The following TLE1 variants were observed in gnomAD, a reference collection of about 807,000 sequenced individuals.
TLE1 encodes TLE family member 1, transcriptional corepressor.
Under a neutral mutation model 89.8 loss-of-function variants are expected in TLE1, and 21 were observed. The observed-to-expected ratio is 0.23, with a 90% CI of 0.17 to 0.34. TLE1 has a LOEUF of 0.34. Ranked by LOEUF, TLE1 falls within the 10% of genes least tolerant of loss-of-function variation. The pLI, the probability that TLE1 is intolerant of heterozygous loss-of-function variation, is 1.00. For synonymous variants in TLE1, 447 were observed against 407.6 expected, an observed-to-expected ratio of 1.10 and a Z score of -1.16; for missense variants, 795 against 1,031.2, an observed-to-expected ratio of 0.77 and a Z score of 3.14.
At chr9:81,640,736 C>T (rs1828002393) in intron 6 of TLE1, among the ~76,000 whole-genome samples, 1 of 152,170 alleles carries the variant, frequency 6.6e-6, no homozygotes, top group Non-Finnish European at 1.5e-5. Flanking sequence ...ACTGACTTTG[C>T]TGTTTACATT....
intron 6 of TLE1, among the ~76,000 whole-genome samples, chr9:81,643,045 G>A (rs868578531): frequency 5.9e-5 from 9 of 152,308 alleles, no homozygotes; most frequent in Middle Eastern, 3.4e-3. Flanking sequence ...CAGAAGCAGA[G>A]AGTAGAATGG....
chr9:81,639,588 G>GTTTTTTTTTTTT (rs374444332), intron 6 of TLE1, among the ~76,000 whole-genome samples: 1 of 123,458 alleles, frequency 8.1e-6, no homozygotes, highest in Non-Finnish European at 1.7e-5. Flanking sequence ...TTTTTTTTTT[G>GTTTTTTTTTTTT]TTTTTTTTTT....
At chr9:81,607,935 T>C (rs1831904975) in intron 14 of TLE1, among the ~76,000 whole-genome samples, 1 of 152,198 alleles carries the variant, frequency 6.6e-6, no homozygotes, top group South Asian at 2.1e-4. Flanking sequence ...TCATAATGAA[T>C]CAAATTATTG....
In TLE1 at chr9:81,611,781, C is replaced by T; in HGVS notation, c.1242G>A (p.Gly414=). Residue 414 remains glycine (G), a synonymous_variant, in exon 13 of 20, where the codon GGG becomes GGA. Transcript: ENST00000376499. ...GACAGCGGCCTACCATGGGGGAGCG[C>T]CCGTAGGCCACCACGGCGGCCGCGG... is the stretch of plus-strand genomic sequence containing the variant. The part of the protein sequence containing the change: ...AAAAAAVVAY[G]RSPMVGFDPP... 2 of 1,541,360 alleles carry T rather than the reference C, an allele frequency of 1.3e-6. No individual in the cohort carries two copies. Among genetic ancestry groups the T allele is most frequent in the Non-Finnish European group, 1.7e-6 (2 of 1,151,804 alleles).
chr9:81,594,152 C>T (rs1587881202), intron 14 of TLE1, among the ~76,000 whole-genome samples: 1 of 152,298 alleles, frequency 6.6e-6, no homozygotes, highest in Middle Eastern at 3.4e-3. Context: ...TACTTGCCCT[C>T]TTCTCTTCTT....
At chr9:81,648,659 C>T (rs1829168122) in intron 6 of TLE1, among the ~76,000 whole-genome samples, 1 of 152,140 alleles carries the variant, frequency 6.6e-6, no homozygotes, top group African/African-American at 2.4e-5. Flanking sequence ...GCTTTTAGTT[C>T]CAAACTCCCC....
At chr9:81,589,744 T>A (rs903814305) in intron 16 of TLE1, among the ~76,000 whole-genome samples, 7 of 152,316 alleles carry the variant, frequency 4.6e-5, no homozygotes, top group Admixed American at 3.3e-4. Flanking sequence ...TTGAAAGTGC[T>A]ACTTATGGAG....
At chr9:81,604,802 C>G (rs1196566497) in intron 14 of TLE1, among the ~76,000 whole-genome samples, 8 of 152,162 alleles carry the variant, frequency 5.3e-5, no homozygotes, top group Admixed American at 5.2e-4. Context: ...TCTCTCTGTG[C>G]ACGACACAGA....
At position 81,584,505 on chromosome 9, in the gene TLE1, A is replaced by G; in HGVS notation, c.2148T>C (p.Thr716=). The change falls in exon 19 of 20, where the codon ACT becomes ACC. Residue 716 remains threonine (T), a synonymous_variant. Transcript: ENST00000376499. ...FAYCGKWFVS[T]GKDNLLNAWR... ...AAGCATTGAGGAGGTTATCTTTTCC[A>G]GTACTCACAAACCATTTACCTAGAA... 6.2e-7 allele frequency: 1 copy of G among 1,614,206 alleles called. No homozygotes were observed. Among genetic ancestry groups the G allele is most frequent in the South Asian group, 1.1e-5 (1 of 91,088 alleles).
chr9:81,613,496 A>C lies in TLE1; in HGVS notation c.944T>G (p.Leu315Arg). Residue 315 changes from leucine to arginine, a missense_variant, in exon 12 of 20, where the codon CTG (leucine) becomes CGG (arginine). By Grantham distance (102) the Leu-to-Arg change is moderately radical. This residue lies in a region of TLE1 where 468 missense variants were observed against 509.1 expected (regional missense o/e 0.92). Transcript: ENST00000376499. ...CCGAGGCGTTGGTGTGCTGGATTTCAGAACAGGCGTGCTGGCTTTTTCATG... is the reference window on the plus strand; with the variant it reads ...CCGAGGCGTTGGTGTGCTGGATTTCCGAACAGGCGTGCTGGCTTTTTCATG... ...SLHEKASTPV[L>R]KSSTPTPRSD... The C allele has an allele frequency of 1.2e-6, 2 of 1,614,230 alleles. No homozygotes were observed. The highest frequency in any genetic ancestry group is 1.7e-6 in the Non-Finnish European group (2 of 1,180,044).
intron 6 of TLE1, among the ~76,000 whole-genome samples, chr9:81,635,983 A>T (rs1165579827): frequency 3.3e-5 from 5 of 152,186 alleles, no homozygotes; most frequent in African/African-American, 1.2e-4. Context: ...ACATAGGGAG[A>T]TTCCATCTCT....
intron 19 of TLE1, 42 bp from the exon 20 acceptor site, chr9:81,584,347 C>A: frequency 6.2e-7 from 1 of 1,609,586 alleles, no homozygotes; most frequent in Non-Finnish European, 8.5e-7. Context: ...TGTGGAACAA[C>A]GGTACTCAGA....
chr9:81,637,955 CT>C (rs776318139), intron 6 of TLE1, among the ~76,000 whole-genome samples: 21 of 152,134 alleles, frequency 1.4e-4, no homozygotes, highest in Non-Finnish European at 2.8e-4. Context: ...GGCTACAAAC[CT>C]TTTGTTTCCT....
intron 3 of TLE1, 26 bp from the exon 4 acceptor site, chr9:81,685,746 A>G: frequency 6.2e-7 from 1 of 1,612,634 alleles, no homozygotes. Flanking sequence ...AGAATCAAGC[A>G]TTTCATTAAC....
chr9:81,659,879 G>A (rs1830558334), intron 4 of TLE1, among the ~76,000 whole-genome samples: 2 of 152,096 alleles, frequency 1.3e-5, no homozygotes, highest in African/African-American at 4.8e-5. Context: ...CTATTCCAAA[G>A]TGCTGTACAA....
intron 14 of TLE1, among the ~76,000 whole-genome samples, chr9:81,600,881 C>T (rs1465911495): frequency 6.6e-6 from 1 of 152,172 alleles, no homozygotes; most frequent in Non-Finnish European, 1.5e-5. Flanking sequence ...GTGCCCTTCA[C>T]TTGAGCTGGA....
At chr9:81,675,698 G>GTTTTTTTTT (rs35060460) in intron 4 of TLE1, among the ~76,000 whole-genome samples, 1,945 of 129,236 alleles carry the variant, frequency 0.015, 207 homozygotes, top group Non-Finnish European at 0.02. Context: ...ACTCACACTA[G>GTTTTTTTTT]TTTTTTTTTG....
intron 6 of TLE1, among the ~76,000 whole-genome samples, chr9:81,644,522 G>C (rs1391787142): frequency 1.3e-5 from 2 of 152,186 alleles, no homozygotes; most frequent in Admixed American, 6.5e-5. Context: ...CAAATTCATA[G>C]AGATGGATAA....
chr9:81,615,135 A>G (rs938215298), intron 11 of TLE1, among the ~76,000 whole-genome samples: 7 of 138,650 alleles, frequency 5.0e-5, no homozygotes, highest in Admixed American at 1.5e-4. Context: ...GAAGAAGAAG[A>G]AGGCAATGAA....
Sources: gnomAD v4.1 joint callset for allele counts (sites outside exome capture counted in the v4.1 genomes callset) on GRCh38, gnomAD v4.1.1 for gene constraint, gnomAD v4.1.1 regional missense constraint, MANE v1.5 for transcripts, NCBI Gene and HGNC (gene_info 2026-07-23, HGNC 2026-07-21) for gene names.